The following SNX29 variants were observed in gnomAD, a reference collection of about 807,000 sequenced individuals.
SNX29 encodes sorting nexin 29, also known as sorting nexin-29.
A neutral mutation model predicts 102.1 loss-of-function variants in SNX29; 78 were observed. The ratio of observed to expected loss-of-function variants is 0.76; its 90% CI spans 0.64 to 0.92. The LOEUF (loss-of-function observed/expected upper bound fraction) is 0.92. Among genes scored for constraint, SNX29 ranks in the 40% least tolerant of loss-of-function variants. The pLI, the probability that SNX29 is intolerant of heterozygous loss-of-function variation, is 0.00. For missense variants in SNX29, 1,280 were observed against 1,061.7 expected (o/e 1.21, Z -2.86); for synonymous variants, 580 against 414.5 (o/e 1.40, Z -4.85).
chr16:12,536,967 G>C (rs1397829433), intron 20 of SNX29, among the ~76,000 whole-genome samples: 2 of 151,040 alleles, frequency 1.3e-5, no homozygotes, highest in Non-Finnish European at 3.0e-5. Flanking sequence ...CAGAGTGAGA[G>C]AGAACCCGTC....
chr16:12,492,907 A>G (rs1228027821), intron 19 of SNX29, among the ~76,000 whole-genome samples: 1 of 152,228 alleles, frequency 6.6e-6, no homozygotes, highest in Non-Finnish European at 1.5e-5. Context: ...TTTTGGTACC[A>G]GTAAAATGCT....
intron 19 of SNX29, among the ~76,000 whole-genome samples, chr16:12,507,865 G>A (rs980569332): frequency 6.6e-6 from 1 of 152,130 alleles, no homozygotes; most frequent in African/African-American, 2.4e-5. Context: ...CCTTTCTCCA[G>A]TTCCCAGCAT....
chr16:12,174,116 A>T (rs1383392864), intron 13 of SNX29, among the ~76,000 whole-genome samples: 3 of 152,172 alleles, frequency 2.0e-5, no homozygotes, highest in Non-Finnish European at 4.4e-5. Context: ...TGCAGAAGCA[A>T]GTCTGAATAA....
At chr16:12,091,769 C>T (rs1224917581) in intron 11 of SNX29, among the ~76,000 whole-genome samples, 11 of 117,946 alleles carry the variant, frequency 9.3e-5, no homozygotes, top group Non-Finnish European at 1.7e-4. Context: ...AGAGCAAGAT[C>T]CTTCTCAAAA....
chr16:12,041,114 T>A (rs1567554762), intron 4 of SNX29, among the ~76,000 whole-genome samples: 1 of 152,098 alleles, frequency 6.6e-6, no homozygotes, highest in Non-Finnish European at 1.5e-5. Context: ...CCTGTTTTTT[T>A]TGTTTTGTTT....
chr16:12,551,389 G>A (rs561525471), intron 20 of SNX29, among the ~76,000 whole-genome samples: 50 of 152,154 alleles, frequency 3.3e-4, no homozygotes, highest in Middle Eastern at 3.2e-3. Flanking sequence ...CCCAACAGTA[G>A]GATTGCTTTC....
chr16:12,364,033 C>G (rs150316045), intron 16 of SNX29, among the ~76,000 whole-genome samples: 375 of 152,214 alleles, frequency 2.5e-3, no homozygotes, highest in African/African-American at 8.8e-3. Flanking sequence ...TGCTGTGTTG[C>G]CCAGGCTGGA....
chr16:12,046,082 T>A (rs188387357), intron 5 of SNX29, among the ~76,000 whole-genome samples: 140 of 152,328 alleles, frequency 9.2e-4, no homozygotes, highest in Admixed American at 9.2e-3. Flanking sequence ...TGAGTGGAAG[T>A]CACCCACCTG....
At chr16:12,553,082 T>C (rs1406789586) in intron 20 of SNX29, among the ~76,000 whole-genome samples, 1 of 152,194 alleles carries the variant, frequency 6.6e-6, no homozygotes, top group Non-Finnish European at 1.5e-5. Context: ...CTCACCTGCA[T>C]ATAGTTCAGG....
intron 18 of SNX29, among the ~76,000 whole-genome samples, chr16:12,412,713 A>G (rs901877359): frequency 6.6e-6 from 1 of 152,204 alleles, no homozygotes; most frequent in African/African-American, 2.4e-5. Context: ...TCAGAATTAT[A>G]ATTTTTTACT....
intron 13 of SNX29, among the ~76,000 whole-genome samples, chr16:12,146,574 T>C (rs543627233): frequency 2.0e-5 from 3 of 152,190 alleles, no homozygotes; most frequent in Admixed American, 1.3e-4. Context: ...CCAAGAGATA[T>C]GAATGTTTTC....
chr16:12,119,265 G>A (rs2053873362), intron 11 of SNX29, among the ~76,000 whole-genome samples: 1 of 152,160 alleles, frequency 6.6e-6, no homozygotes, highest in Non-Finnish European at 1.5e-5. Flanking sequence ...CTCCCTGGAG[G>A]CCCTGTCTGT....
chr16:12,126,353 C>A (rs140793203), intron 11 of SNX29, among the ~76,000 whole-genome samples: 3 of 152,314 alleles, frequency 2.0e-5, no homozygotes, highest in African/African-American at 7.2e-5. Flanking sequence ...GTTAAGATCT[C>A]ATTTTATAGA....
intron 13 of SNX29, among the ~76,000 whole-genome samples, chr16:12,155,445 TAACAA>T (rs1379164352): frequency 3.9e-5 from 6 of 152,120 alleles, no homozygotes; most frequent in African/African-American, 1.4e-4. Context: ...ACATGGTCAT[TAACAA>T]GTGGAGGAGG....
At chr16:12,498,373 G>C (rs957764537) in intron 19 of SNX29, among the ~76,000 whole-genome samples, 2 of 152,072 alleles carry the variant, frequency 1.3e-5, no homozygotes, top group African/African-American at 4.8e-5. Flanking sequence ...AAAAAAAGTG[G>C]CATGGTTTTT....
At chr16:12,264,504 G>A (rs112986817) in intron 14 of SNX29, among the ~76,000 whole-genome samples, 5,430 of 152,266 alleles carry the variant, frequency 0.036, 146 homozygotes, top group African/African-American at 0.072. Context: ...CCACAGGGCC[G>A]GGTGCTGTGG....
At chr16:12,123,025 C>T (rs1035634025) in intron 11 of SNX29, among the ~76,000 whole-genome samples, 1 of 152,070 alleles carries the variant, frequency 6.6e-6, no homozygotes, top group Admixed American at 6.6e-5. Flanking sequence ...TGAGGTTTCA[C>T]CATGTTGGCC....
intron 1 of SNX29, among the ~76,000 whole-genome samples, chr16:11,986,863 C>G (rs1239142502): frequency 1.3e-5 from 2 of 152,104 alleles, no homozygotes; most frequent in African/African-American, 4.8e-5. Context: ...TGGCTGTGTT[C>G]CAATAAAACT....
At chr16:11,987,745 A>G (rs1371990714) in intron 1 of SNX29, among the ~76,000 whole-genome samples, 1 of 152,190 alleles carries the variant, frequency 6.6e-6, no homozygotes, top group Non-Finnish European at 1.5e-5. Context: ...TAAAGCAAGT[A>G]ATGAATGTAT....
Sources: gnomAD v4.1 joint callset for allele counts (sites outside exome capture counted in the v4.1 genomes callset) on GRCh38, gnomAD v4.1.1 for gene constraint, MANE v1.5 for transcripts, NCBI Gene and HGNC (gene_info 2026-07-23, HGNC 2026-07-21) for gene names.